The following SYNPR variants were observed in gnomAD, a reference collection of about 807,000 sequenced individuals.
SYNPR encodes synaptoporin.
Under a neutral mutation model 32.9 loss-of-function variants are expected in SYNPR, and 23 were observed. The ratio of observed to expected loss-of-function variants is 0.70; its 90% CI spans 0.50 to 0.99. The LOEUF (loss-of-function observed/expected upper bound fraction) is 0.99. Among genes scored for constraint, SYNPR ranks in the 50% least tolerant of loss-of-function variants. The pLI, the probability that SYNPR is intolerant of heterozygous loss-of-function variation, is 0.00. For missense variants in SYNPR, 318 were observed against 349.3 expected, an observed-to-expected ratio of 0.91 and a Z score of 0.71; for synonymous variants, 146 against 135.9, an observed-to-expected ratio of 1.07 and a Z score of -0.52.
At chr3:63,545,894 T>C (rs1702393647) in intron 3 of SYNPR, among the ~76,000 whole-genome samples, 1 of 152,160 alleles carries the variant, frequency 6.6e-6, no homozygotes, top group Non-Finnish European at 1.5e-5. Flanking sequence ...CTAAATGTTA[T>C]AAATATCTTT....
intron 4 of SYNPR, among the ~76,000 whole-genome samples, chr3:63,586,747 C>T (rs899482632): frequency 2.0e-5 from 3 of 150,810 alleles, no homozygotes; most frequent in Non-Finnish European, 4.4e-5. Context: ...AGATATCTGG[C>T]TAGGCTCTAG....
At chr3:63,599,152 T>C (rs1198662306) in intron 4 of SYNPR, among the ~76,000 whole-genome samples, 1 of 152,244 alleles carries the variant, frequency 6.6e-6, no homozygotes, top group South Asian at 2.1e-4. Context: ...GTGGTCCCAT[T>C]AGATTATAAT....
intron 2 of SYNPR, among the ~76,000 whole-genome samples, chr3:63,349,207 A>G (rs1469274639): frequency 1.3e-5 from 2 of 152,070 alleles, no homozygotes; most frequent in Admixed American, 1.3e-4. Flanking sequence ...AGTTCAAGCA[A>G]TTATCCTGCC....
chr3:63,399,234 G>T (rs762087755), intron 2 of SYNPR, among the ~76,000 whole-genome samples: 3 of 152,104 alleles, frequency 2.0e-5, no homozygotes, highest in Non-Finnish European at 4.4e-5. Context: ...TGCATTGAGG[G>T]TGTCTTAGTC....
intron 4 of SYNPR, among the ~76,000 whole-genome samples, chr3:63,602,286 T>C (rs778215104): frequency 1.3e-5 from 2 of 151,598 alleles, no homozygotes; most frequent in Non-Finnish European, 2.9e-5. Flanking sequence ...TTTCTCCCAT[T>C]TTGTAAGTTT....
chr3:63,554,302 T>C (rs566301548), intron 3 of SYNPR, among the ~76,000 whole-genome samples: 3 of 152,212 alleles, frequency 2.0e-5, no homozygotes, highest in African/African-American at 4.8e-5. Flanking sequence ...AAGGCCAATG[T>C]TGAGAAGGGC....
chr3:63,376,064 A>G (rs1425910889), intron 2 of SYNPR, among the ~76,000 whole-genome samples: 1 of 152,064 alleles, frequency 6.6e-6, no homozygotes, highest in Non-Finnish European at 1.5e-5. Flanking sequence ...TGTCTTCCCA[A>G]TTCATCAGCA....
At chr3:63,466,586 G>A (rs1700685063) in intron 2 of SYNPR, among the ~76,000 whole-genome samples, 1 of 152,060 alleles carries the variant, frequency 6.6e-6, no homozygotes, top group Non-Finnish European at 1.5e-5. Flanking sequence ...ATTCATGAAA[G>A]GTTGTGTGTT....
At chr3:63,579,553 T>A (rs569757790) in intron 4 of SYNPR, among the ~76,000 whole-genome samples, 2 of 152,280 alleles carry the variant, frequency 1.3e-5, no homozygotes, top group South Asian at 4.1e-4. Flanking sequence ...AGAACATATA[T>A]TTGGCAAGGG....
At chr3:63,263,239 G>A (rs1000441534) in intron 2 of SYNPR, among the ~76,000 whole-genome samples, 5 of 152,208 alleles carry the variant, frequency 3.3e-5, no homozygotes, top group African/African-American at 1.2e-4. Flanking sequence ...CACTGTATGA[G>A]CCAAGCAAAA....
At chr3:63,561,399 G>A (rs1351346534) in intron 4 of SYNPR, 1 of 152,146 alleles carries the variant, frequency 6.6e-6, no homozygotes, top group African/African-American at 2.4e-5. Flanking sequence ...ATCACTTATA[G>A]GCAGAAGGTT....
At chr3:63,234,674 A>T (rs931436230) in intron 1 of SYNPR, among the ~76,000 whole-genome samples, 4 of 152,280 alleles carry the variant, frequency 2.6e-5, no homozygotes, top group East Asian at 3.9e-4. Flanking sequence ...AAGCTCCAAA[A>T]TGTATTTTTC....
At chr3:63,440,056 G>C (rs1376241681) in intron 2 of SYNPR, among the ~76,000 whole-genome samples, 3 of 152,122 alleles carry the variant, frequency 2.0e-5, no homozygotes, top group Non-Finnish European at 1.5e-5. Flanking sequence ...TAAGCAAGAA[G>C]GTATCAGGCA....
chr3:63,545,638 G>C (rs1397408899), intron 3 of SYNPR: 1 of 152,002 alleles, frequency 6.6e-6, no homozygotes, highest in Non-Finnish European at 1.5e-5. Context: ...CCTTGAAAAA[G>C]TAAGGCATGT....
chr3:63,389,121 G>A (rs565375264), intron 2 of SYNPR, among the ~76,000 whole-genome samples: 13 of 152,162 alleles, frequency 8.5e-5, no homozygotes, highest in Non-Finnish European at 1.8e-4. Flanking sequence ...GCTTTAATGA[G>A]CCTGCTCTTG....
intron 3 of SYNPR, 31 bp downstream of exon 3, chr3:63,480,987 T>C: frequency 1.9e-6 from 3 of 1,595,552 alleles, no homozygotes; most frequent in Non-Finnish European, 2.6e-6. Flanking sequence ...CTTGTTAGCC[T>C]CACAGGGGGT....
intron 2 of SYNPR, among the ~76,000 whole-genome samples, chr3:63,361,714 G>T (rs1191624894): frequency 1.3e-5 from 2 of 151,846 alleles, no homozygotes; most frequent in African/African-American, 4.8e-5. Context: ...AGTACATACA[G>T]ATGATAGCTG....
At chr3:63,475,015 G>A (rs1481530680) in intron 2 of SYNPR, among the ~76,000 whole-genome samples, 1 of 152,132 alleles carries the variant, frequency 6.6e-6, no homozygotes, top group Non-Finnish European at 1.5e-5. Context: ...GGTTCTATTA[G>A]CACACAAGGA....
chr3:63,390,906 G>A (rs763373121), intron 2 of SYNPR, among the ~76,000 whole-genome samples: 1 of 152,188 alleles, frequency 6.6e-6, no homozygotes, highest in Non-Finnish European at 1.5e-5. Context: ...CTTTGCATCT[G>A]TTGTTAGACC....
Sources: gnomAD v4.1 joint callset for allele counts (sites outside exome capture counted in the v4.1 genomes callset) on GRCh38, gnomAD v4.1.1 for gene constraint, MANE v1.5 for transcripts, NCBI Gene and HGNC (gene_info 2026-07-23, HGNC 2026-07-21) for gene names.